ATP11A: variants seen among roughly 807,000 people sequenced by gnomAD.
ATP11A encodes the protein phospholipid-transporting ATPase IH.
A neutral mutation model predicts 154.4 loss-of-function variants in ATP11A; 81 were observed. The ratio of observed to expected loss-of-function variants is 0.52; its 90% CI spans 0.44 to 0.63. The LOEUF is 0.63. Ranked by LOEUF, ATP11A falls within the 30% of genes least tolerant of loss-of-function variation. The pLI is 0.00. For synonymous variants in ATP11A, 623 were observed against 585.9 expected (o/e 1.06, Z -0.91); for missense variants, 1,316 against 1,474.3 (o/e 0.89, Z 1.76).
chr13:112,767,601 G>C (rs2077126413), intron 1 of ATP11A, among the ~76,000 whole-genome samples: 1 of 152,066 alleles, frequency 6.6e-6, no homozygotes, highest in African/African-American at 2.4e-5. Flanking sequence ...ATCTGTGACT[G>C]TCTGATCATC....
intron 3 of ATP11A, 147 bp downstream of exon 3, chr13:112,805,193 GGCAAA>G: frequency 1.9e-6 from 1 of 515,244 alleles, no homozygotes; most frequent in Non-Finnish European, 3.2e-6. Flanking sequence ...CTTAAGGAAG[GGCAAA>G]ATGTCTTGGT....
intron 1 of ATP11A, among the ~76,000 whole-genome samples, chr13:112,775,696 T>A (rs1238983731): frequency 6.7e-6 from 1 of 149,974 alleles, no homozygotes; most frequent in Non-Finnish European, 1.5e-5. Flanking sequence ...TCTGCACGTT[T>A]GAATTATTTC....
intron 1 of ATP11A, among the ~76,000 whole-genome samples, chr13:112,755,255 C>T (rs1269494280): frequency 6.6e-6 from 1 of 152,158 alleles, no homozygotes; most frequent in African/African-American, 2.4e-5. Context: ...GTCTGTGGGC[C>T]TCTGCTTCAC....
At position 112,690,970 on chromosome 13, in the gene ATP11A, A is replaced by G. The variant is rs1356255633; in HGVS notation, c.39+515A>G. Among the ~76,000 whole-genome samples, 1 of 152,246 alleles carries G rather than the reference A, an allele frequency of 6.6e-6. No homozygotes were observed. Among genetic ancestry groups the G allele is most frequent in the African/African-American group, 2.4e-5 (1 of 41,462 alleles). On this transcript the variant is annotated intron_variant, in intron 1 of 29. Transcript: ENST00000375645. This position sits in a 1 kb window ranked among gnomAD's most constrained non-coding sequence, Gnocchi z 5.6. ...CTTTAACACCCCTGGGGGATTCAGA[A>G]GCGGAGTTTGGAATCTTTTTATTTT...
chr13:112,771,250 C>G (rs544338234), intron 1 of ATP11A, among the ~76,000 whole-genome samples: 18 of 152,286 alleles, frequency 1.2e-4, no homozygotes, highest in Non-Finnish European at 1.8e-4. Flanking sequence ...TTTGGGTAAT[C>G]CAGCGATTTT....
chr13:112,872,979 C>G (rs9603974), intron 26 of ATP11A, among the ~76,000 whole-genome samples: 3 of 5,428 alleles, frequency 5.5e-4, no homozygotes, highest in Non-Finnish European at 1.6e-3. Context: ...TCTTCCTGAG[C>G]GGTGTGAGGT....
Position 112,718,727 on chromosome 13 carries a change from A to G in ATP11A, c.39+28272A>G, listed in dbSNP as rs186632897. 2.2e-4 allele frequency among the ~76,000 whole-genome samples: 33 copies of G among 151,198 alleles called. 1 individual carries two copies. The highest frequency in any genetic ancestry group is 5.9e-5 in the Non-Finnish European group (4 of 67,834). On this transcript the variant is annotated intron_variant, in intron 1 of 29. Coordinates refer to ENST00000375645, the MANE Select transcript of ATP11A (RefSeq NM_015205.3). ...TTCTTGTCACCCAGGCTGGAGGGCA[A>G]TAGCACGATCTTGGCTCACTGCAAC...
rs974990844 is a variant in ATP11A at position 112,753,455 on chromosome 13, C to T, written c.40-31680C>T. Among the ~76,000 whole-genome samples, 2 of 152,232 alleles carry T rather than the reference C, an allele frequency of 1.3e-5. No individual in the cohort carries two copies. The highest frequency in any genetic ancestry group is 2.1e-4 in the South Asian group (1 of 4,830). On this transcript the variant is annotated intron_variant, in intron 1 of 29. Coordinates refer to ENST00000375645, the MANE Select transcript of ATP11A (RefSeq NM_015205.3). The surrounding 1 kb of genome is among the most constrained non-coding windows in gnomAD (Gnocchi z 4.1). ...CTCCACCTACCTCGCCAGCAGCCTG[C>T]GCTGCCCGGCTTGCCAGCTTCTGGG...
chr13:112,811,196 A>ACACACACACACACACACACACC (rs2078488538), intron 5 of ATP11A, among the ~76,000 whole-genome samples: 1 of 151,038 alleles, frequency 6.6e-6, no homozygotes, highest in Admixed American at 6.6e-5. Context: ...ACACACACAC[A>ACACACACACACACACACACACC]CACACACACA....
At chr13:112,829,167 GC>G (rs1174567660) in intron 12 of ATP11A, among the ~76,000 whole-genome samples, 1 of 152,152 alleles carries the variant, frequency 6.6e-6, no homozygotes, top group Non-Finnish European at 1.5e-5. Flanking sequence ...CTTGCTTCAG[GC>G]CAAGTTAGCA....
intron 1 of ATP11A, among the ~76,000 whole-genome samples, chr13:112,693,998 C>A (rs1885502739): frequency 6.6e-6 from 1 of 152,142 alleles, no homozygotes; most frequent in Non-Finnish European, 1.5e-5. Flanking sequence ...GAGCGAGTTC[C>A]ATTTCCTCTT....
intron 16 of ATP11A, among the ~76,000 whole-genome samples, chr13:112,841,184 G>A (rs1003630973): frequency 6.7e-6 from 1 of 149,004 alleles, no homozygotes; most frequent in African/African-American, 2.5e-5. Flanking sequence ...CCTGCGCCCA[G>A]GCACAAACCA....
chr13:112,832,759 AC>A (rs3215888), intron 13 of ATP11A, 100 bp from the exon 14 acceptor site: 64,933 of 1,414,550 alleles, frequency 0.046, 1,806 homozygotes, highest in Middle Eastern at 0.07. Flanking sequence ...GGCCGCGGGG[AC>A]CCCCCCCACC....
At chr13:112,812,641 C>G (rs531761376) in intron 5 of ATP11A, among the ~76,000 whole-genome samples, 13 of 152,268 alleles carry the variant, frequency 8.5e-5, no homozygotes, top group Non-Finnish European at 1.8e-4. Flanking sequence ...CACTAACCCC[C>G]CACCGCTCAC....
At chr13:112,828,118 G>GAAACGCCCAGCAGTGTTGATTGCGGGGGA (rs143513857) in intron 12 of ATP11A, among the ~76,000 whole-genome samples, 1 of 122,388 alleles carries the variant, frequency 8.2e-6, no homozygotes, top group Non-Finnish European at 1.7e-5. Flanking sequence ...TGAGTGGGGG[G>GAAACGCCCAGCAGTGTTGATTGCGGGGGA]AAGCGCCCAG....
chr13:112,719,157 C>G (rs183139759), intron 1 of ATP11A, among the ~76,000 whole-genome samples: 13 of 151,636 alleles, frequency 8.6e-5, no homozygotes, highest in African/African-American at 3.1e-4. Flanking sequence ...CCCTGTGACG[C>G]GCAGGTGTGA....
intron 14 of ATP11A, 90 bp from the exon 15 acceptor site, chr13:112,834,499 G>T (rs2079179048): frequency 3.7e-6 from 3 of 817,524 alleles, no homozygotes; most frequent in Admixed American, 2.1e-5. Flanking sequence ...TTTTTGAAAA[G>T]AACGCTTTAC....
intron 2 of ATP11A, among the ~76,000 whole-genome samples, chr13:112,793,841 G>C (rs1311838670): frequency 1.3e-5 from 2 of 152,208 alleles, no homozygotes; most frequent in Non-Finnish European, 2.9e-5. Flanking sequence ...CCAGAGGCAG[G>C]CCAGGTGAGG....
chr13:112,879,732 G>A (rs1246918921), intron 29 of ATP11A, among the ~76,000 whole-genome samples: 7 of 152,242 alleles, frequency 4.6e-5, no homozygotes, highest in Admixed American at 4.6e-4. Flanking sequence ...GTGGCGCCGA[G>A]ACCACCTGCG....
Sources: gnomAD v4.1 joint callset for allele counts (sites outside exome capture counted in the v4.1 genomes callset) on GRCh38, gnomAD v4.1.1 for gene constraint, Gnocchi (gnomAD v3.1) non-coding constraint, MANE v1.5 for transcripts, NCBI Gene and HGNC (gene_info 2026-07-23, HGNC 2026-07-21) for gene names.